The following MYL5 variants were observed in gnomAD, a reference collection of about 807,000 sequenced individuals.
MYL5 encodes myosin regulatory light chain 5.
MYL5 carries 28 observed loss-of-function variants against 20.8 expected under a neutral mutation model. The observed-to-expected ratio is 1.35, with a 90% CI of 1.00 to 1.84. The LOEUF (loss-of-function observed/expected upper bound fraction) is 1.84, where lower values mean the gene tolerates loss of function less well. Among genes scored for constraint, MYL5 ranks in the 40% most tolerant of loss-of-function variants. The pLI is 0.00. For synonymous variants in MYL5, 118 were observed against 87.4 expected (o/e 1.35, Z -1.95); for missense variants, 274 against 227.3 (o/e 1.21, Z -1.32).
chr4:678,312 C>A (rs888666209), intron 1 of MYL5: 1 of 1,428,822 alleles, frequency 7.0e-7, no homozygotes. Flanking sequence ...TCACAAAATC[C>A]CGGTACCCAG....
At chr4:675,815 C>T (rs116608456), upstream of MYL5, 1,260 of 152,408 alleles carry the variant, frequency 8.3e-3, 18 homozygotes, top group East Asian at 0.038. Context: ...GAGCGTGAAC[C>T]CTACTGTGAG....
exon 4 of MYL5, chr4:679,985 A>G: frequency 1.2e-6 from 2 of 1,613,344 alleles, no homozygotes; most frequent in South Asian, 1.1e-5. Context: ...CAACTTCACC[A>G]TGTTTCTGAA....
chr4:678,674 A>C, exon 2 of MYL5: 1 of 1,609,768 alleles, frequency 6.2e-7, no homozygotes, highest in South Asian at 1.1e-5. Context: ...AGGAAGACCA[A>C]GAAGAAGGAA....
chr4:680,767 C>A, intron 5 of MYL5, 180 bp downstream of exon 7: 1 of 682,326 alleles, frequency 1.5e-6, no homozygotes, highest in Non-Finnish European at 2.5e-6. Context: ...CCTGCTCACA[C>A]AGGGACCAGC....
chr4:676,913 C>T (rs1214509817), upstream of MYL5: 5 of 985,406 alleles, frequency 5.1e-6, no homozygotes, highest in Non-Finnish European at 4.8e-6. Context: ...GCCGCTGGAC[C>T]TGGGGATGGC....
intron 2 of MYL5, 66 bp downstream of exon 4, chr4:678,831 G>A: frequency 6.2e-7 from 1 of 1,607,326 alleles, no homozygotes; most frequent in Non-Finnish European, 8.5e-7. Flanking sequence ...GACCCCATGT[G>A]GGCTGGCTCC....
upstream of MYL5, chr4:677,847 A>T: frequency 1.0e-6 from 1 of 992,968 alleles, no homozygotes. Context: ...CAAGGGTGTG[A>T]GTCACTGCCA....
At chr4:681,928 G>C (rs534288644) in exon 7 of MYL5, 36 of 1,323,110 alleles carry the variant, frequency 2.7e-5, no homozygotes, top group Non-Finnish European at 3.3e-5. Context: ...CCATCGATGT[G>C]GCGGGCAACC....
upstream of MYL5, chr4:677,816 G>A (rs952750066): frequency 1.2e-5 from 9 of 723,138 alleles, no homozygotes; most frequent in African/African-American, 1.2e-4. Flanking sequence ...GAGGCTGGGG[G>A]CCTTGCGGGG....
chr4:677,890 C>T (rs371064913), upstream of MYL5: 84 of 1,468,746 alleles, frequency 5.7e-5, no homozygotes, highest in African/African-American at 4.4e-4. Context: ...GCTGTCCAGT[C>T]CCCTGGGGTA....
In MYL5 at chr4:678,110, C is replaced by T. The variant is rs993046827; in HGVS notation, c.3+81C>T. The T allele has an allele frequency of 1.5e-5, 23 of 1,564,284 alleles. No homozygotes were observed. In the African/African-American group the frequency reaches 1.5e-4, roughly 10 times the overall value. On this transcript the variant is annotated intron_variant, in intron 1 of 6. Coordinates refer to ENST00000400159, the Ensembl canonical transcript of MYL5. Reference sequence around the variant, plus strand: ...GCATGTGTACATGCGCACAGACGAGCGTGGGCGTGTCCGTGCTTGCGTGTG... The same window carrying T: ...GCATGTGTACATGCGCACAGACGAGTGTGGGCGTGTCCGTGCTTGCGTGTG...
exon 1 of MYL5, chr4:677,973 G>A: frequency 1.2e-6 from 2 of 1,613,254 alleles, no homozygotes; most frequent in East Asian, 2.2e-5. Flanking sequence ...AGGAGCTTAA[G>A]ATGGGCAAGA....
chr4:675,616 A>C (rs1738777840), upstream of MYL5: 1 of 152,610 alleles, frequency 6.6e-6, no homozygotes. Flanking sequence ...CTAGGAAGTC[A>C]CTGGGCTCTG....
At chr4:677,768 A>G (rs973643138), upstream of MYL5, among the ~76,000 whole-genome samples, 2 of 152,170 alleles carry the variant, frequency 1.3e-5, no homozygotes, top group African/African-American at 2.4e-5. Flanking sequence ...GTTCGGGGAC[A>G]GGTGGATGGG....
upstream of MYL5, chr4:674,555 G>C (rs1470015017): frequency 2.1e-6 from 1 of 472,788 alleles, no homozygotes; most frequent in East Asian, 4.0e-5. Context: ...TCCCCGCAGG[G>C]CTGGGGGTCC....
rs999484692 is a variant in MYL5 at position 678,870 on chromosome 4, C to T, written c.112-88C>T. ...GCCAGCAGGAGTGGAAGCCTATCCT[C>T]AGTCAGGGGTGCTGAGGAACCGGGA... On this transcript the variant is annotated intron_variant, in intron 2 of 6. Transcript: ENST00000400159. 3.4e-5 allele frequency: 55 copies of T among 1,608,614 alleles called. 1 individual carries two copies. The Admixed American group carries it at 5.9e-4, about 17-fold the overall frequency.
At chr4:676,916 G>T (rs964043401), upstream of MYL5, 1 of 985,262 alleles carries the variant, frequency 1.0e-6, no homozygotes. Flanking sequence ...GCTGGACCTG[G>T]GGATGGCACC....
exon 4 of MYL5, chr4:679,938 A>T: frequency 6.2e-7 from 1 of 1,613,748 alleles, no homozygotes; most frequent in Non-Finnish European, 8.5e-7. Context: ...AAGGACGACG[A>T]GCTGGACGCC....
chr4:676,494 A>C (rs973798845), upstream of MYL5: 1 of 152,238 alleles, frequency 6.6e-6, no homozygotes, highest in Non-Finnish European at 1.5e-5. Context: ...CTGGCTCAGC[A>C]CACCGCCCGC....
Sources: allele counts gnomAD v4.1 joint callset (sites outside exome capture counted in the v4.1 genomes callset), GRCh38; gene constraint gnomAD v4.1.1; transcripts MANE v1.5; gene names NCBI Gene and HGNC (gene_info 2026-07-23, HGNC 2026-07-21).